Variants in SACS observed in about 807,000 individuals in gnomAD.
SACS encodes sacsin molecular chaperone, also known as sacsin.
A neutral mutation model predicts 348.0 loss-of-function variants in SACS; 197 were observed. The ratio of observed to expected loss-of-function variants is 0.57; its 90% confidence interval spans 0.50 to 0.64. The LOEUF (loss-of-function observed/expected upper bound fraction) is 0.64. Among genes scored for constraint, SACS ranks in the 30% least tolerant of loss-of-function variants. The probability of loss-of-function intolerance (pLI) is 0.00; values close to 1 mark genes in which losing one functional copy is unlikely to be tolerated. For missense variants in SACS, 4,999 were observed against 5,360.8 expected, an observed-to-expected ratio of 0.93 and a Z score of 2.11; for synonymous variants, 1,985 against 1,910.6, an observed-to-expected ratio of 1.04 and a Z score of -1.02.
At chr13:23,387,664 T>TGTAG (rs1251244983) in intron 2 of SACS, among the ~76,000 whole-genome samples, 1 of 152,030 alleles carries the variant, frequency 6.6e-6, no homozygotes, top group East Asian at 1.9e-4. Flanking sequence ...CATTCACCTG[T>TGTAG]GTAGGGTGGT....
intron 1 of SACS, among the ~76,000 whole-genome samples, chr13:23,416,213 C>T (rs1211851841): frequency 6.1e-5 from 9 of 147,900 alleles, no homozygotes; most frequent in African/African-American, 2.2e-4. Context: ...ACCCACTAGG[C>T]GGAGGTTGCA....
At position 23,336,290 on chromosome 13, in the gene SACS, G is replaced by T. The variant is rs1320224325; in HGVS notation, c.7586C>A (p.Thr2529Asn). 2 of 1,614,040 alleles carry T rather than the reference G, an allele frequency of 1.2e-6. No homozygotes were observed. The highest frequency in any genetic ancestry group is 1.1e-5 in the South Asian group (1 of 91,076). ...ATTAAGGATGCTCTTAATTCTGCTGGTCAATTTTTCTTTCTGCCCAAATTC... is the reference window on the plus strand; with the variant it reads ...ATTAAGGATGCTCTTAATTCTGCTGTTCAATTTTTCTTTCTGCCCAAATTC... Reference protein sequence around the residue: ...GTEFGQKEKLTSRIKSILNAY... With the variant: ...GTEFGQKEKLNSRIKSILNAY... Residue 2529 changes from threonine to asparagine, a missense_variant, in exon 10 of 10, where the codon ACC becomes AAC. Around this residue, in one of 6 missense-constraint regions of SACS, gnomAD observed 3,156 missense variants for 3,380.1 expected, o/e 0.93. Transcript: ENST00000382292.
Position 23,375,020 on chromosome 13 carries a change from C to T in SACS, c.171+99G>A, listed in dbSNP as rs879379709. On this transcript the variant is annotated intron_variant, in intron 3 of 9. Coordinates refer to ENST00000382292, the MANE Select transcript of SACS (RefSeq NM_014363.6). Reference sequence around the variant, plus strand: ...GCGGCCACGCTGCCGGAGTCATTCGCGCCGCCCGCGGAAACCTGCGTCGCC... The same window carrying T: ...GCGGCCACGCTGCCGGAGTCATTCGTGCCGCCCGCGGAAACCTGCGTCGCC... 707 of 1,226,304 alleles carry T rather than the reference C, an allele frequency of 5.8e-4. 2 individuals are homozygous for T. Among genetic ancestry groups the T allele is most frequent in the Non-Finnish European group, 6.9e-4 (656 of 953,180 alleles). The allele number at this position is 1,226,304 out of a possible 1,614,324, so 76.0% of individuals were successfully genotyped here.
intron 2 of SACS, among the ~76,000 whole-genome samples, chr13:23,376,983 A>C (rs1871835152): frequency 6.6e-6 from 1 of 152,206 alleles, no homozygotes; most frequent in Non-Finnish European, 1.5e-5. Flanking sequence ...GGAGTAGTGA[A>C]TCATCCTACA....
In SACS at chr13:23,355,762, T is replaced by C; in HGVS notation, c.850A>G (p.Ser284Gly). The C allele has an allele frequency of 1.2e-6, 2 of 1,614,230 alleles. No individual in the cohort carries two copies. The highest frequency in any genetic ancestry group is 1.7e-6 in the Non-Finnish European group (2 of 1,180,038). ...ACCTTCTGCTTATTGTAGAGGTTACTACTAAGTTGTGAAGGTTGTAGGCGA... is the reference window on the plus strand; with the variant it reads ...ACCTTCTGCTTATTGTAGAGGTTACCACTAAGTTGTGAAGGTTGTAGGCGA... Reference protein sequence around the residue: ...PLRLQPSQLSSNLYNKQKVLE... With the variant: ...PLRLQPSQLSGNLYNKQKVLE... Residue 284 changes from serine to glycine, a missense_variant, in exon 8 of 10, where the codon AGT (serine) becomes GGT (glycine). Coordinates refer to ENST00000382292, the MANE Select transcript of SACS (RefSeq NM_014363.6).
At chr13:23,341,787 T>TC (rs1444816611) in intron 9 of SACS, 97 bp from the exon 10 acceptor site, 1 of 970,144 alleles carries the variant, frequency 1.0e-6, no homozygotes, top group Non-Finnish European at 1.5e-6. Context: ...GTTCTTTTTT[T>TC]TTTTTTTTTT....
chr13:23,363,251 C>T (rs1165355860), intron 6 of SACS, among the ~76,000 whole-genome samples: 1 of 140,750 alleles, frequency 7.1e-6, no homozygotes, highest in Non-Finnish European at 1.5e-5. Context: ...TTTTGAGACA[C>T]AGTTTCGCTC....
In SACS at chr13:23,336,708, C is replaced by G; in HGVS notation, c.7168G>C (p.Gly2390Arg). ...TCAACAGTGCATGACTGCCTCACAC[C>G]CACGGTTTCAAAAAGTTCGCGGAAA... is the stretch of plus-strand genomic sequence containing the variant. ...NNFRELFETV[G>R]VRQSCTVEDF... Residue 2390 changes from glycine (G) to arginine (R), a missense_variant, in exon 10 of 10, where the codon GGT (glycine) becomes CGT (arginine). Gly to Arg is a moderately radical substitution (Grantham distance 125). Around this residue, in one of 6 missense-constraint regions of SACS, gnomAD observed 3,156 missense variants for 3,380.1 expected, o/e 0.93. Coordinates refer to ENST00000382292, the MANE Select transcript of SACS (RefSeq NM_014363.6). The G allele has an allele frequency of 6.2e-7, 1 of 1,613,798 alleles. No homozygotes were observed. The highest frequency in any genetic ancestry group is 8.5e-7 in the Non-Finnish European group (1 of 1,179,876).
At chr13:23,379,366 G>C (rs1871950691) in intron 2 of SACS, among the ~76,000 whole-genome samples, 1 of 152,184 alleles carries the variant, frequency 6.6e-6, no homozygotes, top group Admixed American at 6.5e-5. Flanking sequence ...TGTGCTCGGG[G>C]ACTGCTCACC....
At chr13:23,409,978 T>C (rs1346497883) in intron 2 of SACS, among the ~76,000 whole-genome samples, 1 of 152,124 alleles carries the variant, frequency 6.6e-6, no homozygotes, top group Non-Finnish European at 1.5e-5. Flanking sequence ...CTCTTTAAAA[T>C]GGATGTATAG....
At chr13:23,357,318 A>C (rs376677928) in intron 7 of SACS, among the ~76,000 whole-genome samples, 2 of 152,222 alleles carry the variant, frequency 1.3e-5, no homozygotes, top group African/African-American at 4.8e-5. Flanking sequence ...ATATTCATAG[A>C]TAATAGTCAT....
intron 2 of SACS, among the ~76,000 whole-genome samples, chr13:23,393,136 GA>G (rs1872591775): frequency 6.6e-6 from 1 of 152,268 alleles, no homozygotes. Context: ...GGCTCAAATG[GA>G]AAGAACATGA....
In SACS at chr13:23,339,340, T is replaced by C. The variant is rs1458404801; in HGVS notation, c.4536A>G (p.Pro1512=). The change falls in exon 10 of 10, where the codon CCA becomes CCG. Residue 1512 remains proline (P), a synonymous_variant. Transcript: ENST00000382292. ...CAGGTCCATGACAAGCTGCCATCCC[T>C]GGGTCTAGGAGATTCTCTCTTATGT... ...NMDIRENLLD[P]GMAACHGPAL... 6.2e-7 allele frequency: 1 copy of C among 1,612,944 alleles called. No individual in the cohort carries two copies. The highest frequency in any genetic ancestry group is 1.1e-5 in the South Asian group (1 of 90,676).
At chr13:23,409,923 A>G (rs1873413555) in intron 2 of SACS, among the ~76,000 whole-genome samples, 1 of 152,212 alleles carries the variant, frequency 6.6e-6, no homozygotes, top group African/African-American at 2.4e-5. Context: ...TAATTATTAA[A>G]CATTTATAGT....
rs752597088 is a variant in SACS at position 23,355,493 on chromosome 13, A to G, written c.1119T>C (p.Tyr373=). Reference sequence around the variant, plus strand: ...CCTCTTCTAAAACAATATTTACGTGATATGTTACACAGGTGATGTTATTGC... The same window carrying G: ...CCTCTTCTAAAACAATATTTACGTGGTATGTTACACAGGTGATGTTATTGC... ...TPSNNITCVT[Y]HVNIVLEEES... is the part of the protein sequence containing the mutation. Residue 373 remains tyrosine (Y), a synonymous_variant, in exon 8 of 10, where the codon TAT becomes TAC. Transcript: ENST00000382292. The G allele has an allele frequency of 6.8e-6, 11 of 1,614,056 alleles. No homozygotes were observed. The highest frequency in any genetic ancestry group is 9.3e-6 in the Non-Finnish European group (11 of 1,179,992).
intron 3 of SACS, chr13:23,373,316 G>A (rs188256575): frequency 6.6e-6 from 1 of 152,452 alleles, no homozygotes; most frequent in African/African-American, 2.4e-5. Context: ...AGAAGCTAAG[G>A]CTATGCTGGG....
At chr13:23,380,859 C>T (rs920980060) in intron 2 of SACS, among the ~76,000 whole-genome samples, 2 of 152,292 alleles carry the variant, frequency 1.3e-5, no homozygotes, top group African/African-American at 4.8e-5. Context: ...ATGCTATACT[C>T]TTCAAATAGG....
Position 23,354,879 on chromosome 13 carries a change from G to A in SACS, c.1733C>T (p.Ser578Leu). The change falls in exon 8 of 10, where the codon TCA (serine) becomes TTA (leucine). Residue 578 changes from serine (S) to leucine (L), a missense_variant. Physicochemically the swap from Ser to Leu is moderately radical, Grantham distance 145. Around this residue, in one of 6 missense-constraint regions of SACS, gnomAD observed 3,156 missense variants for 3,380.1 expected, o/e 0.93. Transcript: ENST00000382292. ...DWVRLEQVYF[S>L]ELDENLEYTK... ...GTATTCTAAATTTTCATCAAGTTCT[G>A]AGAAGTACACCTGCTCCAACCTGAC... is the stretch of plus-strand genomic sequence containing the variant. 6.2e-7 allele frequency: 1 copy of A among 1,614,194 alleles called. No homozygotes were observed. Among genetic ancestry groups the A allele is most frequent in the South Asian group, 1.1e-5 (1 of 91,082 alleles).
chr13:23,402,981 C>G (rs1873045990), intron 2 of SACS, among the ~76,000 whole-genome samples: 1 of 152,054 alleles, frequency 6.6e-6, no homozygotes, highest in South Asian at 2.1e-4. Context: ...TCGAGACCAG[C>G]CTGGCCGACA....
Sources: gnomAD v4.1 joint callset for allele counts (sites outside exome capture counted in the v4.1 genomes callset) on GRCh38, gnomAD v4.1.1 for gene constraint, gnomAD v4.1.1 regional missense constraint, MANE v1.5 for transcripts, NCBI Gene and HGNC (gene_info 2026-07-23, HGNC 2026-07-21) for gene names.